Variants in ROR2 observed in about 807,000 individuals in gnomAD.
ROR2 encodes the protein ROR family WNT receptor 2, also known as tyrosine-protein kinase transmembrane receptor ROR2.
ROR2 carries 33 observed loss-of-function variants against 74.9 expected under a neutral mutation model. That is an observed-to-expected ratio of 0.44 (90% CI 0.33 to 0.59). The LOEUF (loss-of-function observed/expected upper bound fraction) is 0.59. Among genes scored for constraint, ROR2 ranks in the 20% least tolerant of loss-of-function variants. The probability of loss-of-function intolerance (pLI) is 0.02; values close to 1 mark genes in which losing one functional copy is unlikely to be tolerated. For synonymous variants in ROR2, 586 were observed against 558.7 expected (o/e 1.05, Z -0.69); for missense variants, 1,216 against 1,313.8 (o/e 0.93, Z 1.15).
intron 1 of ROR2, among the ~76,000 whole-genome samples, chr9:91,871,360 T>C (rs989925273): frequency 1.3e-5 from 2 of 152,378 alleles, no homozygotes; most frequent in Admixed American, 1.3e-4. Flanking sequence ...TGGCATGATA[T>C]ATCACACAGC....
At position 91,794,505 on chromosome 9, in the gene ROR2, A is replaced by T. The variant is rs191610337; in HGVS notation, c.98-18687T>A. Among the ~76,000 whole-genome samples the T allele has an allele frequency of 1.1e-3, 166 of 152,314 alleles. 1 individual carries two copies. Among genetic ancestry groups the T allele is most frequent in the African/African-American group, 3.8e-3 (156 of 41,588 alleles). ...GTCACCAGAAATCCCAGAAGAAACAAATCCACATAGAGGCTTTAGGGAGGG... is the reference window on the plus strand; with the variant it reads ...GTCACCAGAAATCCCAGAAGAAACATATCCACATAGAGGCTTTAGGGAGGG... On this transcript the variant is annotated intron_variant, in intron 1 of 8. Coordinates refer to ENST00000375708, the MANE Select transcript of ROR2 (RefSeq NM_004560.4).
intron 1 of ROR2, among the ~76,000 whole-genome samples, chr9:91,805,024 C>T (rs1563971092): frequency 6.6e-6 from 1 of 152,244 alleles, no homozygotes; most frequent in East Asian, 1.9e-4. Flanking sequence ...AAGTACTTCA[C>T]ATGGTAGGAC....
chr9:91,890,139 T>C (rs1301008054), intron 1 of ROR2, among the ~76,000 whole-genome samples: 1 of 152,204 alleles, frequency 6.6e-6, no homozygotes, highest in Non-Finnish European at 1.5e-5. Context: ...GGCAACTTCT[T>C]TCCCTCTTTC....
chr9:91,805,909 G>A (rs906637209), intron 1 of ROR2, among the ~76,000 whole-genome samples: 1 of 152,264 alleles, frequency 6.6e-6, no homozygotes, highest in African/African-American at 2.4e-5. Flanking sequence ...TGATGGAATC[G>A]CACAAACTAT....
chr9:91,729,616 C>T (rs1011274017), intron 7 of ROR2, among the ~76,000 whole-genome samples: 3 of 152,162 alleles, frequency 2.0e-5, no homozygotes, highest in Non-Finnish European at 4.4e-5. Flanking sequence ...CTCGCTTCAC[C>T]GGCTGCTCTC....
chr9:91,890,630 T>C (rs1001014864), intron 1 of ROR2, among the ~76,000 whole-genome samples: 4 of 152,256 alleles, frequency 2.6e-5, no homozygotes, highest in Admixed American at 6.5e-5. Context: ...TAAGTTTCAA[T>C]AGTTGTCAGT....
intron 1 of ROR2, among the ~76,000 whole-genome samples, chr9:91,855,411 C>A (rs1274197146): frequency 9.9e-5 from 15 of 152,248 alleles, no homozygotes. Flanking sequence ...CCCGCCAGGG[C>A]AGCCTGGCCC....
chr9:91,844,156 T>C (rs1413795009), intron 1 of ROR2, among the ~76,000 whole-genome samples: 1 of 152,210 alleles, frequency 6.6e-6, no homozygotes, highest in Non-Finnish European at 1.5e-5. Context: ...TATTTCAGGG[T>C]GGAGGAAATG....
intron 1 of ROR2, among the ~76,000 whole-genome samples, chr9:91,932,933 G>T (rs1005769568): frequency 6.6e-6 from 1 of 152,106 alleles, no homozygotes; most frequent in African/African-American, 2.4e-5. Context: ...AACCCAAAAA[G>T]TTCATGCATC....
At chr9:91,844,541 T>C (rs1250557803) in intron 1 of ROR2, among the ~76,000 whole-genome samples, 1 of 152,234 alleles carries the variant, frequency 6.6e-6, no homozygotes, top group Non-Finnish European at 1.5e-5. Context: ...AAGGACGCAA[T>C]TCAGTCCACA....
chr9:91,930,231 C>G (rs1342318098), intron 1 of ROR2, among the ~76,000 whole-genome samples: 4 of 152,248 alleles, frequency 2.6e-5, no homozygotes, highest in Non-Finnish European at 5.9e-5. Context: ...TTCAAACGTT[C>G]TTGCTCTTTC....
chr9:91,897,237 A>G (rs1830558557), intron 1 of ROR2, among the ~76,000 whole-genome samples: 1 of 152,284 alleles, frequency 6.6e-6, no homozygotes, highest in Non-Finnish European at 1.5e-5. Flanking sequence ...ACTTATTAAA[A>G]TTAGCAATTA....
chr9:91,814,582 T>C (rs936907331), intron 1 of ROR2, among the ~76,000 whole-genome samples: 7 of 152,210 alleles, frequency 4.6e-5, no homozygotes, highest in African/African-American at 1.4e-4. Context: ...AGCTGTTACA[T>C]ACCACTCTTT....
rs569027962 is a variant in ROR2 at position 91,874,959 on chromosome 9, T to C, written c.97+74908A>G. On this transcript the variant is annotated intron_variant, in intron 1 of 8. Transcript: ENST00000375708. ...AAAAAAAAAAAAAAGGAAAGACAAC[T>C]GAGAACTCCTCTATCAGCTGATTCT... Among the ~76,000 whole-genome samples the C allele has an allele frequency of 1.1e-4, 16 of 149,370 alleles. No homozygotes were observed. The South Asian group carries it at 3.4e-3, about 31-fold the overall frequency.
chr9:91,818,168 G>A (rs377702651), intron 1 of ROR2, among the ~76,000 whole-genome samples: 2 of 152,108 alleles, frequency 1.3e-5, no homozygotes. Flanking sequence ...CCAAGAACAT[G>A]GACCAACATT....
At chr9:91,879,414 G>T (rs553058261) in intron 1 of ROR2, among the ~76,000 whole-genome samples, 2 of 150,942 alleles carry the variant, frequency 1.3e-5, no homozygotes, top group African/African-American at 2.5e-5. Context: ...CTGAGTGGGA[G>T]TGGGTGTGGG....
At position 91,769,993 on chromosome 9, in the gene ROR2, G is replaced by C. The variant is rs150543739; in HGVS notation, c.175+5748C>G. 2.0e-5 allele frequency among the ~76,000 whole-genome samples: 3 copies of C among 152,314 alleles called. No homozygotes were observed. The East Asian group carries it at 5.8e-4, about 29-fold the overall frequency. ...TCCCAGAAACCCCCCGTGCCCATCC[G>C]AGTACCGCCTTGGACATCCAGACCA... is the stretch of plus-strand genomic sequence containing the variant. On this transcript the variant is annotated intron_variant, in intron 2 of 8. Transcript: ENST00000375708.
intron 1 of ROR2, among the ~76,000 whole-genome samples, chr9:91,900,929 A>C (rs1830662331): frequency 1.3e-5 from 2 of 152,260 alleles, no homozygotes; most frequent in African/African-American, 4.8e-5. Flanking sequence ...CACATCGTTT[A>C]ATCAGATACT....
At chr9:91,882,114 G>A (rs915902863) in intron 1 of ROR2, among the ~76,000 whole-genome samples, 4 of 151,930 alleles carry the variant, frequency 2.6e-5, no homozygotes, top group African/African-American at 9.7e-5. Context: ...TCAGTCTATA[G>A]AACTAGCCTA....
Sources: gnomAD v4.1 joint callset for allele counts (sites outside exome capture counted in the v4.1 genomes callset) on GRCh38, gnomAD v4.1.1 for gene constraint, MANE v1.5 for transcripts, NCBI Gene and HGNC (gene_info 2026-07-23, HGNC 2026-07-21) for gene names.